ZNF880: variants seen among roughly 807,000 people sequenced by gnomAD.
ZNF880 encodes zinc finger protein LOC400713.
In ZNF880, 12 loss-of-function variants were observed where a neutral mutation model predicts 11.8. The observed-to-expected ratio is 1.02, with a 90% confidence interval of 0.65 to 1.65. The LOEUF (loss-of-function observed/expected upper bound fraction) is 1.65. Among genes scored for constraint, ZNF880 ranks in the 40% most tolerant of loss-of-function variants. The probability of loss-of-function intolerance (pLI) is 0.00; values close to 1 mark genes in which losing one functional copy is unlikely to be tolerated. For synonymous variants in ZNF880, 210 were observed against 232.4 expected, an observed-to-expected ratio of 0.90 and a Z score of 0.88; for missense variants, 601 against 673.9, an observed-to-expected ratio of 0.89 and a Z score of 1.20.
intron 1 of ZNF880, among the ~76,000 whole-genome samples, chr19:52,371,052 GAT>G (rs1986354928): frequency 6.6e-6 from 1 of 152,298 alleles, no homozygotes; most frequent in Admixed American, 6.5e-5. Flanking sequence ...GTGTACATGT[GAT>G]GTGTGTGGAT....
At chr19:52,388,318 C>T (rs1188679209), downstream of ZNF880, among the ~76,000 whole-genome samples, 5 of 46,298 alleles carry the variant, frequency 1.1e-4, no homozygotes, top group Admixed American at 1.0e-3. Context: ...GGCAGAGTCT[C>T]TGTCACCAGG....
the ZNF880 span, among the ~76,000 whole-genome samples, chr19:52,393,826 G>GC: frequency 5.7e-3 from 700 of 121,958 alleles, 7 homozygotes; most frequent in Non-Finnish European, 8.4e-3. Context: ...GTATTTCTTT[G>GC]CCCCCCCCCT....
At position 52,384,552 on chromosome 19, in the gene ZNF880, C is replaced by CA. The variant is rs777998584; in HGVS notation, c.975dup (p.Cys326MetfsTer2). On this transcript the variant is annotated frameshift_variant, in exon 4 of 4. Transcript: ENST00000422689. LOFTEE classifies it low-confidence loss of function (END_TRUNC). ...AAATTCATAGTGGAGAGAAACCTTA[C>CA]AAATGTAAGGAATGTGGCAAAGCAT... 1 of 1,613,942 alleles carries CA rather than the reference C, an allele frequency of 6.2e-7. No individual in the cohort carries two copies. Among genetic ancestry groups the CA allele is most frequent in the Admixed American group, 1.7e-5 (1 of 60,008 alleles).
downstream of ZNF880, among the ~76,000 whole-genome samples, chr19:52,385,982 T>C (rs557581248): frequency 1.1e-3 from 161 of 142,250 alleles, 33 homozygotes; most frequent in African/African-American, 4.3e-3. Context: ...AAGACCATCC[T>C]GGCTAACATG....
chr19:52,395,345 T>C, the ZNF880 span, among the ~76,000 whole-genome samples: 1 of 152,232 alleles, frequency 6.6e-6, no homozygotes, highest in African/African-American at 2.4e-5. Flanking sequence ...CCAGTTTGTA[T>C]GATGATTCTG....
the ZNF880 span, chr19:52,395,718 G>C: frequency 6.6e-6 from 1 of 152,258 alleles, no homozygotes; most frequent in Admixed American, 6.5e-5. Flanking sequence ...CCCATCCTGG[G>C]TTTCATGCTC....
At chr19:52,379,902 T>TTTA (rs975226739) in intron 3 of ZNF880, 2 of 151,838 alleles carry the variant, frequency 1.3e-5, no homozygotes, top group African/African-American at 4.8e-5. Flanking sequence ...TATTTTTTTT[T>TTTA]TTATTATTAT....
At chr19:52,382,778 G>T (rs1489843377) in intron 3 of ZNF880, among the ~76,000 whole-genome samples, 1 of 152,058 alleles carries the variant, frequency 6.6e-6, no homozygotes, top group Non-Finnish European at 1.5e-5. Context: ...GTTTTAGTTA[G>T]CATTTTAGTT....
the ZNF880 span, chr19:52,397,556 ACTCTCTCTCTT>A: frequency 3.5e-5 from 5 of 143,742 alleles, no homozygotes; most frequent in Non-Finnish European, 6.1e-5. Context: ...CTTTCTCTTT[ACTCTCTCTCTT>A]CTCTCTCTTT....
chr19:52,385,252 A>C lies in ZNF880; in HGVS notation c.1672A>C (p.Thr558Pro). ...ATGTCATGAATGTGGTAAGGACTTC[A>C]CTCGAAATTCAAACCTGGCAAATCA... ...YRCHECGKDFTRNSNLANHHR... is the reference protein window; with the variant it reads ...YRCHECGKDFPRNSNLANHHR... Residue 558 changes from threonine (T) to proline (P), a missense_variant, in exon 4 of 4, where the codon ACT becomes CCT. By Grantham distance (38) the Thr-to-Pro change is conservative (BLOSUM62 -1). Around this residue, in one of 3 missense-constraint regions of ZNF880, gnomAD observed 177 missense variants for 214.5 expected, o/e 0.83. Transcript: ENST00000422689. 6 of 1,551,950 alleles carry C rather than the reference A, an allele frequency of 3.9e-6. No individual in the cohort carries two copies. Among genetic ancestry groups the C allele is most frequent in the Non-Finnish European group, 5.2e-6 (6 of 1,147,144 alleles).
At position 52,376,504 on chromosome 19, in the gene ZNF880, C is replaced by G. The variant is rs1476469066; in HGVS notation, c.268+2077C>G. ...TTCATGTCCTTAGCACCGCCCCCCC[C>G]CCCCCTTTTTTTTTTTTTTTTTTGA... On this transcript the variant is annotated intron_variant, in intron 3 of 3. Coordinates refer to ENST00000422689, the MANE Select transcript of ZNF880 (RefSeq NM_001145434.2). Among the ~76,000 whole-genome samples the G allele has an allele frequency of 1.9e-3, 182 of 96,260 alleles. 1 individual carries two copies. The highest frequency in any genetic ancestry group is 6.3e-3 in the African/African-American group (170 of 26,982). The allele number at this position is 96,260 out of a possible 152,430, so 63.2% of individuals were successfully genotyped here.
At chr19:52,395,126 AT>A in the ZNF880 span, among the ~76,000 whole-genome samples, 1 of 151,750 alleles carries the variant, frequency 6.6e-6, no homozygotes, top group Non-Finnish European at 1.5e-5. Context: ...TTGGTACACT[AT>A]TTTTTTTGTC....
chr19:52,393,067 G>GTT, the ZNF880 span, among the ~76,000 whole-genome samples: 11 of 141,730 alleles, frequency 7.8e-5, no homozygotes, highest in Non-Finnish European at 1.2e-4. Context: ...AATCCTGTTA[G>GTT]TTTTTTTTTT....
At chr19:52,374,900 A>G (rs1434336829) in intron 3 of ZNF880, among the ~76,000 whole-genome samples, 1 of 151,922 alleles carries the variant, frequency 6.6e-6, no homozygotes, top group Non-Finnish European at 1.5e-5. Flanking sequence ...GCATCTTGCT[A>G]ATTTTTAAAA....
chr19:52,374,167 G>A lies in ZNF880; in HGVS notation c.140-132G>A, dbSNP rs564302094. ...TGCAAGCTTCGCCTCCCAGGTTCAC[G>A]CTGAGTATCTGGGACTACAGGCACC... On this transcript the variant is annotated intron_variant, in intron 2 of 3. Transcript: ENST00000422689. 1.5e-5 allele frequency: 10 copies of A among 675,418 alleles called. No individual in the cohort carries two copies. The South Asian group carries it at 2.0e-4, about 14-fold the overall frequency. 41.8% of individuals were successfully genotyped at this position (675,418 alleles called of 1,614,324 possible).
chr19:52,374,626 T>C, intron 3 of ZNF880, 199 bp downstream of exon 3: 2 of 729,270 alleles, frequency 2.7e-6, no homozygotes, highest in South Asian at 3.0e-5. Context: ...CATGAGCCAC[T>C]GTACCCTGCA....
chr19:52,383,980 G>T lies in ZNF880; in HGVS notation c.400G>T (p.Val134Phe). ...AAGGAATATTTCTGGATGTAAACATGTCGAAAAACCTATCAACAATTCCTT... is the reference window on the plus strand; with the variant it reads ...AAGGAATATTTCTGGATGTAAACATTTCGAAAAACCTATCAACAATTCCTT... ...AERNISGCKH[V>F]EKPINNSLVS... The change falls in exon 4 of 4, where the codon GTC becomes TTC. Residue 134 changes from valine (V) to phenylalanine (F), a missense_variant. This residue lies in a region of ZNF880 where 420 missense variants were observed against 442.6 expected (regional missense o/e 0.95). Coordinates refer to ENST00000422689, the MANE Select transcript of ZNF880 (RefSeq NM_001145434.2). The T allele has an allele frequency of 6.5e-7, 1 of 1,539,992 alleles. No homozygotes were observed. Among genetic ancestry groups the T allele is most frequent in the Non-Finnish European group, 8.8e-7 (1 of 1,141,954 alleles).
chr19:52,369,489 A>G (rs1274452226), upstream of ZNF880, among the ~76,000 whole-genome samples: 1 of 151,446 alleles, frequency 6.6e-6, no homozygotes, highest in Non-Finnish European at 1.5e-5. Context: ...ACTAGTGTTT[A>G]TTATTCATTT....
chr19:52,385,563 A>ACAGGTGTGAGCCACTGCGCC lies in ZNF880; in HGVS notation c.*249_*250insCAGGTGTGAGCCACTGCGCC, dbSNP rs371978669. On this transcript the variant is annotated 3_prime_UTR_variant, in exon 4 of 4. Coordinates refer to ENST00000422689, the MANE Select transcript of ZNF880 (RefSeq NM_001145434.2). ...ATGAAACCATACAGATGGATTATGTATGCTGAGGCTATTATTCAAGGACCA... is the reference window on the plus strand; with the variant it reads ...ATGAAACCATACAGATGGATTATGTACAGGTGTGAGCCACTGCGCCTGCTGAGGCTATTATTCAAGGACCA... 2.4e-5 allele frequency: 11 copies of ACAGGTGTGAGCCACTGCGCC among 449,634 alleles called. No homozygotes were observed. The highest frequency in any genetic ancestry group is 3.9e-5 in the Non-Finnish European group (10 of 253,368). The allele number at this position is 449,634 out of a possible 1,614,324, so 27.9% of individuals were successfully genotyped here. A position where few individuals can be genotyped will look rare whatever the true frequency, so the allele number is the denominator to read the frequency against.
Sources: allele counts gnomAD v4.1 joint callset (sites outside exome capture counted in the v4.1 genomes callset), GRCh38; gene constraint gnomAD v4.1.1; regional missense constraint gnomAD v4.1.1; transcripts MANE v1.5; gene names NCBI Gene and HGNC (gene_info 2026-07-23, HGNC 2026-07-21).